The following CAMK1D variants were observed in gnomAD, a reference collection of about 807,000 sequenced individuals.
The protein encoded by CAMK1D is calcium/calmodulin-dependent protein kinase type 1D.
Under a neutral mutation model 47.7 loss-of-function variants are expected in CAMK1D, and 9 were observed. The ratio of observed to expected loss-of-function variants is 0.19; its 90% CI spans 0.11 to 0.33. CAMK1D has a LOEUF of 0.33. Among genes scored for constraint, CAMK1D ranks in the 10% least tolerant of loss-of-function variants. The probability of loss-of-function intolerance (pLI) is 1.00; values close to 1 mark genes in which losing one functional copy is unlikely to be tolerated. For missense variants in CAMK1D, 291 were observed against 488.7 expected, an observed-to-expected ratio of 0.60 and a Z score of 3.81; for synonymous variants, 184 against 184.9, an observed-to-expected ratio of 0.99 and a Z score of 0.04.
At chr10:12,715,239 T>A (rs1300168063) in intron 3 of CAMK1D, among the ~76,000 whole-genome samples, 1 of 152,198 alleles carries the variant, frequency 6.6e-6, no homozygotes, top group Non-Finnish European at 1.5e-5. Flanking sequence ...TTGCTTTTCA[T>A]TCTTTTATAA....
intron 1 of CAMK1D, among the ~76,000 whole-genome samples, chr10:12,504,271 G>A (rs184381384): frequency 5.7e-4 from 85 of 149,202 alleles, no homozygotes; most frequent in African/African-American, 2.1e-3. Context: ...GGAGACCCAG[G>A]AAAGCCAGCG....
chr10:12,638,217 C>T (rs1414284307), intron 2 of CAMK1D, among the ~76,000 whole-genome samples: 3 of 152,188 alleles, frequency 2.0e-5, no homozygotes, highest in African/African-American at 4.8e-5. Context: ...CTGTTTGCCT[C>T]GTGTGCAGAA....
intron 3 of CAMK1D, among the ~76,000 whole-genome samples, chr10:12,716,647 A>G (rs1834147705): frequency 6.6e-6 from 1 of 152,110 alleles, no homozygotes; most frequent in African/African-American, 2.4e-5. Context: ...CCCCGAGATG[A>G]AGGCTACGAC....
intron 2 of CAMK1D, among the ~76,000 whole-genome samples, chr10:12,640,688 A>T (rs1839640358): frequency 6.6e-6 from 1 of 152,186 alleles, no homozygotes. Flanking sequence ...TTTACACTTT[A>T]CACAGTCTCA....
At chr10:12,825,960 A>G (rs987823597) in intron 10 of CAMK1D, 2 of 476,658 alleles carry the variant, frequency 4.2e-6, no homozygotes, top group African/African-American at 1.9e-5. Context: ...CAACATGGTG[A>G]AACCCCATCT....
intron 1 of CAMK1D, among the ~76,000 whole-genome samples, chr10:12,447,097 C>G (rs778181264): frequency 1.3e-5 from 2 of 152,092 alleles, no homozygotes; most frequent in African/African-American, 2.4e-5. Context: ...CACTGTGTCT[C>G]TCTCTCTCTG....
chr10:12,706,525 A>G (rs1833731260), intron 3 of CAMK1D, among the ~76,000 whole-genome samples: 1 of 152,198 alleles, frequency 6.6e-6, no homozygotes, highest in African/African-American at 2.4e-5. Flanking sequence ...CAGCCTGGGC[A>G]ATATAGTGAG....
chr10:12,464,262 C>T (rs531278623), intron 1 of CAMK1D, among the ~76,000 whole-genome samples: 28 of 152,286 alleles, frequency 1.8e-4, no homozygotes, highest in Admixed American at 1.7e-3. Flanking sequence ...GCAGAGGCCT[C>T]GGCAGGTGGG....
chr10:12,799,527 A>C (rs1838337793), intron 6 of CAMK1D, among the ~76,000 whole-genome samples: 1 of 152,196 alleles, frequency 6.6e-6, no homozygotes, highest in African/African-American at 2.4e-5. Flanking sequence ...TAACTTGGAA[A>C]TTCTCCATGG....
intron 1 of CAMK1D, among the ~76,000 whole-genome samples, chr10:12,512,430 C>G (rs554075332): frequency 1.0e-3 from 159 of 152,310 alleles, no homozygotes; most frequent in African/African-American, 3.6e-3. Context: ...GAGCCCTGCT[C>G]TGTCGCCCAG....
At chr10:12,480,992 G>A (rs1381147908) in intron 1 of CAMK1D, among the ~76,000 whole-genome samples, 1 of 152,146 alleles carries the variant, frequency 6.6e-6, no homozygotes, top group African/African-American at 2.4e-5. Context: ...AGCTAACTTG[G>A]GGGGAAATTT....
intron 1 of CAMK1D, among the ~76,000 whole-genome samples, chr10:12,533,651 T>G (rs1041656977): frequency 6.6e-6 from 1 of 152,136 alleles, no homozygotes; most frequent in Non-Finnish European, 1.5e-5. Context: ...ACGCAGGCCC[T>G]CCAGTCTACC....
intron 1 of CAMK1D, among the ~76,000 whole-genome samples, chr10:12,378,139 T>C (rs1838235707): frequency 6.6e-6 from 1 of 152,222 alleles, no homozygotes; most frequent in Admixed American, 6.5e-5. Context: ...TGGGCCAGCC[T>C]CATGGGCGTT....
At chr10:12,458,309 G>A (rs1041860028) in intron 1 of CAMK1D, among the ~76,000 whole-genome samples, 1 of 152,172 alleles carries the variant, frequency 6.6e-6, no homozygotes, top group Non-Finnish European at 1.5e-5. Flanking sequence ...AGGCTCATGC[G>A]GCAGGACCTA....
intron 10 of CAMK1D, 79 bp from the exon 11 acceptor site, chr10:12,828,690 C>T: frequency 8.3e-7 from 1 of 1,202,114 alleles, no homozygotes; most frequent in African/African-American, 1.5e-5. Context: ...AAACCCAGCC[C>T]CTCTGACACC....
chr10:12,404,544 T>G (rs184236835), intron 1 of CAMK1D, among the ~76,000 whole-genome samples: 1 of 152,276 alleles, frequency 6.6e-6, no homozygotes, highest in East Asian at 1.9e-4. Flanking sequence ...GAAAGCTGTT[T>G]GTTACTGTTC....
Position 12,574,468 on chromosome 10 carries a change from A to ATTTTTTTTTT in CAMK1D, c.224+21132_224+21141dup, listed in dbSNP as rs1171556305. Among the ~76,000 whole-genome samples the ATTTTTTTTTT allele has an allele frequency of 6.5e-5, 4 of 61,370 alleles. 1 individual carries two copies. Among genetic ancestry groups the ATTTTTTTTTT allele is most frequent in the African/African-American group, 2.9e-4 (4 of 13,592 alleles). The allele number at this position is 61,370 out of a possible 152,430, so 40.3% of individuals were successfully genotyped here. On this transcript the variant is annotated intron_variant, in intron 2 of 10. Coordinates refer to ENST00000619168, the MANE Select transcript of CAMK1D (RefSeq NM_153498.4). The stretch of plus-strand genomic sequence containing the variant: ...AGGTGCACACCACCACGCCTAGCTA[A>ATTTTTTTTTT]TTTTTTTTTTTTTTTTTTTTTTTTT...
At chr10:12,767,876 T>A (rs1361522047) in intron 4 of CAMK1D, among the ~76,000 whole-genome samples, 1 of 152,110 alleles carries the variant, frequency 6.6e-6, no homozygotes, top group Admixed American at 6.5e-5. Flanking sequence ...GTTAGTTAGT[T>A]AGTTAGTTAT....
At chr10:12,621,798 T>A (rs1379589801) in intron 2 of CAMK1D, among the ~76,000 whole-genome samples, 1 of 125,632 alleles carries the variant, frequency 8.0e-6, no homozygotes, top group Non-Finnish European at 1.9e-5. Flanking sequence ...TTTTTAGTTC[T>A]AGTTGTGTGT....
Sources: gnomAD v4.1 joint callset for allele counts (sites outside exome capture counted in the v4.1 genomes callset) on GRCh38, gnomAD v4.1.1 for gene constraint, MANE v1.5 for transcripts, NCBI Gene and HGNC (gene_info 2026-07-23, HGNC 2026-07-21) for gene names.